Variants in DIAPH3 observed in about 807,000 individuals in gnomAD.
The protein encoded by DIAPH3 is protein diaphanous homolog 3.
DIAPH3 carries 117 observed loss-of-function variants against 144.3 expected under a neutral mutation model. The observed-to-expected ratio is 0.81, with a 90% CI of 0.70 to 0.95. The LOEUF (loss-of-function observed/expected upper bound fraction) is 0.95, where lower values mean the gene tolerates loss of function less well. Ranked by LOEUF, DIAPH3 falls within the 40% of genes least tolerant of loss-of-function variation. The pLI is 0.00. For missense variants in DIAPH3, 1,421 were observed against 1,412.7 expected (o/e 1.01, Z -0.09); for synonymous variants, 519 against 488.9 (o/e 1.06, Z -0.81).
Position 59,971,016 on chromosome 13 carries a change from G to T in DIAPH3, c.1795C>A (p.Leu599Ile). The T allele has an allele frequency of 6.2e-7, 1 of 1,613,708 alleles. No homozygotes were observed. The highest frequency in any genetic ancestry group is 2.2e-5 in the East Asian group (1 of 44,818). Residue 599 changes from leucine to isoleucine, a missense_variant, in exon 16 of 28, where the codon CTT (leucine) becomes ATT (isoleucine). Physicochemically the swap from Leu to Ile is conservative, Grantham distance 5. Coordinates refer to ENST00000400324, the MANE Select transcript of DIAPH3 (RefSeq NM_001042517.2). ...PPPPPPPPPPLPGMRMPFSGP... is the reference protein window; with the variant it reads ...PPPPPPPPPPIPGMRMPFSGP... ...CTGAATGGCATCCGCATTCCTGGAA[G>T]TGGAGGAGGTGGTGGGGGAGGAGGT...
At chr13:59,760,650 G>A (rs947836130) in intron 27 of DIAPH3, among the ~76,000 whole-genome samples, 2 of 152,144 alleles carry the variant, frequency 1.3e-5, no homozygotes, top group Non-Finnish European at 2.9e-5. Context: ...TTTAATGGAG[G>A]AAGGTATGCA....
chr13:59,992,623 C>A (rs1416446469), intron 9 of DIAPH3, 40 bp from the exon 10 acceptor site: 1 of 1,495,196 alleles, frequency 6.7e-7, no homozygotes, highest in Non-Finnish European at 9.3e-7. Flanking sequence ...GGGTTTCCAA[C>A]ATTAAAGAAA....
At chr13:60,045,473 ATT>A (rs2056009520) in intron 4 of DIAPH3, among the ~76,000 whole-genome samples, 1 of 152,230 alleles carries the variant, frequency 6.6e-6, no homozygotes, top group Non-Finnish European at 1.5e-5. Flanking sequence ...TCTATAGGCT[ATT>A]ATCTTTAAGC....
chr13:59,705,016 G>T (rs1371723004), intron 27 of DIAPH3, among the ~76,000 whole-genome samples: 1 of 152,152 alleles, frequency 6.6e-6, no homozygotes, highest in African/African-American at 2.4e-5. Context: ...AAACCTGAAT[G>T]AAAGTGATTA....
intron 20 of DIAPH3, among the ~76,000 whole-genome samples, chr13:59,890,787 C>T (rs889741220): frequency 2.6e-5 from 4 of 151,836 alleles, no homozygotes; most frequent in Admixed American, 2.0e-4. Flanking sequence ...TTATGGGGAG[C>T]TGTTTCGAGG....
chr13:59,884,041 A>G (rs1260053668), intron 20 of DIAPH3, among the ~76,000 whole-genome samples: 1 of 152,154 alleles, frequency 6.6e-6, no homozygotes, highest in Non-Finnish European at 1.5e-5. Context: ...AGCGGGCCTG[A>G]GCGAGCAGGT....
Position 59,754,299 on chromosome 13 carries a change from C to T in DIAPH3, c.3319+19890G>A, listed in dbSNP as rs993301375. Among the ~76,000 whole-genome samples the T allele has an allele frequency of 5.9e-5, 9 of 152,158 alleles. No homozygotes were observed. In the East Asian group the frequency reaches 7.7e-4, roughly 13 times the overall value. ...TTGCCTCTGTCATTTATCAGCTTTA[C>T]GATTTTGGGCAAGTTACTTAACTTT... is the stretch of plus-strand genomic sequence containing the variant. On this transcript the variant is annotated intron_variant, in intron 27 of 27. Transcript: ENST00000400324.
At chr13:60,122,442 C>T (rs2058871272) in intron 2 of DIAPH3, among the ~76,000 whole-genome samples, 1 of 152,154 alleles carries the variant, frequency 6.6e-6, no homozygotes, top group Non-Finnish European at 1.5e-5. Flanking sequence ...GTGAACTAGG[C>T]TTTAAGTCCT....
At chr13:59,964,703 G>C (rs569456703) in intron 17 of DIAPH3, among the ~76,000 whole-genome samples, 2 of 152,010 alleles carry the variant, frequency 1.3e-5, no homozygotes, top group East Asian at 3.9e-4. Flanking sequence ...TACTATAACT[G>C]GTAACAATAA....
At chr13:59,845,020 T>A (rs1231552752) in intron 22 of DIAPH3, among the ~76,000 whole-genome samples, 1 of 147,828 alleles carries the variant, frequency 6.8e-6, no homozygotes, top group Admixed American at 7.0e-5. Context: ...TTTCTCTTTT[T>A]TTTTGAGACA....
rs60853102 is a variant in DIAPH3, at chr13:60,105,099, C to CAAAAAAAAAAAAAAAAAA, written c.390+6893_390+6910dup. 8.8e-4 allele frequency among the ~76,000 whole-genome samples: 37 copies of CAAAAAAAAAAAAAAAAAA among 41,816 alleles called. 2 individuals carry two copies. Among genetic ancestry groups the CAAAAAAAAAAAAAAAAAA allele is most frequent in the East Asian group, 4.1e-3 (6 of 1,450 alleles). 27.4% of individuals were successfully genotyped at this position (41,816 alleles called of 152,430 possible). ...TGGGCGACAAAGTGAGACACGATCT[C>CAAAAAAAAAAAAAAAAAA]AAAAAAAAAAAAAAAAAAAAAAAAA... On this transcript the variant is annotated intron_variant, in intron 3 of 27. Transcript: ENST00000400324.
chr13:59,735,125 A>G (rs1041981172), intron 27 of DIAPH3, among the ~76,000 whole-genome samples: 4 of 152,168 alleles, frequency 2.6e-5, no homozygotes, highest in African/African-American at 4.8e-5. Flanking sequence ...TTTTTTTACT[A>G]TTAAGCAATG....
At chr13:59,852,757 T>C (rs1331995465) in intron 22 of DIAPH3, among the ~76,000 whole-genome samples, 2 of 152,202 alleles carry the variant, frequency 1.3e-5, no homozygotes, top group Non-Finnish European at 2.9e-5. Context: ...GTCGTTATGT[T>C]CTAAAGTTTG....
chr13:59,945,897 T>C (rs73212265), intron 17 of DIAPH3, among the ~76,000 whole-genome samples: 16,134 of 152,208 alleles, frequency 0.11, 866 homozygotes, highest in Admixed American at 0.14. Flanking sequence ...TGAATTAAAA[T>C]TTAAATGAAA....
chr13:59,861,321 A>G (rs756381295), intron 22 of DIAPH3, 86 bp downstream of exon 22: 1 of 1,605,348 alleles, frequency 6.2e-7, no homozygotes, highest in South Asian at 1.1e-5. Flanking sequence ...GAGAAAGTGG[A>G]AAGTACATAC....
At chr13:59,696,379 A>T (rs988371365) in intron 27 of DIAPH3, among the ~76,000 whole-genome samples, 3 of 152,242 alleles carry the variant, frequency 2.0e-5, no homozygotes, top group Admixed American at 2.0e-4. Flanking sequence ...TTACAGTATA[A>T]GAACATGTGG....
chr13:60,017,122 G>T (rs533483528), intron 5 of DIAPH3, among the ~76,000 whole-genome samples: 2 of 151,950 alleles, frequency 1.3e-5, no homozygotes, highest in Admixed American at 1.3e-4. Context: ...ACAAAATTTC[G>T]GCCAGGCGTG....
chr13:59,888,851 A>G (rs1472285793), intron 20 of DIAPH3, among the ~76,000 whole-genome samples: 1 of 151,876 alleles, frequency 6.6e-6, no homozygotes, highest in East Asian at 1.9e-4. Context: ...CATCCATTAG[A>G]TAGAGAATTC....
At chr13:59,785,569 C>T (rs1304627567) in intron 25 of DIAPH3, among the ~76,000 whole-genome samples, 3 of 152,074 alleles carry the variant, frequency 2.0e-5, no homozygotes, top group Admixed American at 6.6e-5. Flanking sequence ...AGCACAGTGC[C>T]CCCCATATGT....
Sources: gnomAD v4.1 joint callset for allele counts (sites outside exome capture counted in the v4.1 genomes callset) on GRCh38, gnomAD v4.1.1 for gene constraint, MANE v1.5 for transcripts, NCBI Gene and HGNC (gene_info 2026-07-23, HGNC 2026-07-21) for gene names.